Variants in PPP1R13B observed in about 807,000 individuals in gnomAD.
PPP1R13B encodes protein phosphatase 1 regulatory subunit 13B.
Under a neutral mutation model 119.8 loss-of-function variants are expected in PPP1R13B, and 44 were observed. That is an observed-to-expected ratio of 0.37 (90% CI 0.29 to 0.47). The LOEUF is 0.47. PPP1R13B is among the 20% of genes least tolerant of loss of function. The probability of loss-of-function intolerance (pLI) is 0.99; values close to 1 mark genes in which losing one functional copy is unlikely to be tolerated. For synonymous variants in PPP1R13B, 542 were observed against 561.5 expected (o/e 0.97, Z 0.49); for missense variants, 1,227 against 1,413.5 (o/e 0.87, Z 2.12).
At chr14:103,751,956 T>C (rs1378946977) in intron 7 of PPP1R13B, among the ~76,000 whole-genome samples, 1 of 152,216 alleles carries the variant, frequency 6.6e-6, no homozygotes, top group Non-Finnish European at 1.5e-5. Flanking sequence ...CTTTACTGGA[T>C]TATTATCTGC....
intron 12 of PPP1R13B, 118 bp from the exon 13 acceptor site, chr14:103,739,141 G>A: frequency 7.1e-7 from 1 of 1,404,200 alleles, no homozygotes; most frequent in Non-Finnish European, 9.6e-7. Context: ...CCGCGAAGCA[G>A]CCCTGGAGTG....
At position 103,742,655 on chromosome 14, in the gene PPP1R13B, G is replaced by A. The variant is rs761593237; in HGVS notation, c.1319C>T (p.Pro440Leu). Residue 440 changes from proline (P) to leucine (L), a missense_variant and splice_region_variant, in exon 10 of 17, where the codon CCG becomes CTG. Coordinates refer to ENST00000202556, the MANE Select transcript of PPP1R13B (RefSeq NM_015316.3). The surrounding 1 kb of genome is among the most constrained non-coding windows in gnomAD (Gnocchi z 4.9). ...TCTGTGGTAAAGACACAGGCCTACC[G>A]GCTTCTCCGTGGGTCCCAGTGCTGA... ...PFSALGPTEK[P>L]GIEIGKVPPP... 2.2e-5 allele frequency: 35 copies of A among 1,613,480 alleles called. No individual in the cohort carries two copies. The highest frequency in any genetic ancestry group is 1.6e-4 in the Middle Eastern group (1 of 6,078).
At chr14:103,777,239 G>A (rs772421746) in intron 4 of PPP1R13B, among the ~76,000 whole-genome samples, 5 of 151,904 alleles carry the variant, frequency 3.3e-5, no homozygotes, top group African/African-American at 4.8e-5. Flanking sequence ...GTGATCCACC[G>A]ACCTTGGCCT....
Position 103,734,983 on chromosome 14 carries a change from T to C in PPP1R13B, c.*171A>G. The C allele has an allele frequency of 1.3e-6, 1 of 787,486 alleles. No individual in the cohort carries two copies. The allele number at this position is 787,486 out of a possible 1,614,324, so 48.8% of individuals were successfully genotyped here. ...TACCTCTCCCAGTTAATGGGCAAAC[T>C]GGAGAAAGGGCCTCACCTGGAAACT... On this transcript the variant is annotated 3_prime_UTR_variant, in exon 17 of 17. Coordinates refer to ENST00000202556, the MANE Select transcript of PPP1R13B (RefSeq NM_015316.3).
At chr14:103,807,055 A>G (rs905559159) in intron 1 of PPP1R13B, among the ~76,000 whole-genome samples, 1 of 152,204 alleles carries the variant, frequency 6.6e-6, no homozygotes, top group Non-Finnish European at 1.5e-5. Context: ...ACACACATGC[A>G]TACCTCTCTG....
rs531960277 is a variant in PPP1R13B at position 103,757,930 on chromosome 14, A to G, written c.355-179T>C. Among the ~76,000 whole-genome samples the G allele has an allele frequency of 2.4e-3, 364 of 152,346 alleles. 1 individual carries two copies. The highest frequency in any genetic ancestry group is 6.8e-3 in the Middle Eastern group (2 of 294). ...TGTTGACTGCTTTTATGAAATATAA[A>G]TAACTGTTTTTCTAATGCATAAACA... On this transcript the variant is annotated intron_variant, in intron 4 of 16. Transcript: ENST00000202556.
At chr14:103,744,728 A>G (rs1055461675) in intron 9 of PPP1R13B, among the ~76,000 whole-genome samples, 5 of 152,236 alleles carry the variant, frequency 3.3e-5, no homozygotes, top group Non-Finnish European at 4.4e-5. Context: ...TGTGTGACAC[A>G]GAACCAGGAC....
chr14:103,764,346 A>G (rs2084886873), intron 4 of PPP1R13B: 1 of 194,846 alleles, frequency 5.1e-6, no homozygotes, highest in Admixed American at 6.2e-5. Context: ...CGTTTCCCCA[A>G]TGACTGGAAA....
Position 103,733,617 on chromosome 14 carries a change from A to C in PPP1R13B, c.*1537T>G, listed in dbSNP as rs45614733. 2.0e-3 allele frequency: 302 copies of C among 153,040 alleles called. 1 individual carries two copies. The highest frequency in any genetic ancestry group is 3.6e-3 in the Non-Finnish European group (248 of 68,240). 9.5% of individuals were successfully genotyped at this position (153,040 alleles called of 1,614,324 possible). Reference sequence around the variant, plus strand: ...TATTTCACTTTATTAAGATGACTGTACAGCAATTTGTATATAAAGCTTATG... The same window carrying C: ...TATTTCACTTTATTAAGATGACTGTCCAGCAATTTGTATATAAAGCTTATG... On this transcript the variant is annotated 3_prime_UTR_variant, in exon 17 of 17. Transcript: ENST00000202556.
chr14:103,768,104 C>A (rs533995365), intron 4 of PPP1R13B, among the ~76,000 whole-genome samples: 2 of 145,396 alleles, frequency 1.4e-5, no homozygotes, highest in Non-Finnish European at 3.0e-5. Flanking sequence ...CCGTGGTAGT[C>A]ACCTGAGTGT....
intron 1 of PPP1R13B, among the ~76,000 whole-genome samples, chr14:103,839,346 G>T (rs1044555940): frequency 1.3e-5 from 2 of 151,896 alleles, no homozygotes; most frequent in Non-Finnish European, 2.9e-5. Context: ...GAAATCTCTC[G>T]CCGGGCACAG....
rs1473523077 is a variant in PPP1R13B at position 103,844,673 on chromosome 14, G to C, written c.9+2626C>G. ...GAACCTGGGAGGTGGAGGTTGCGGT[G>C]AGTCAAGATCATGTTGCACTCCAGC... On this transcript the variant is annotated intron_variant, in intron 1 of 16. Transcript: ENST00000202556. Among the ~76,000 whole-genome samples the C allele has an allele frequency of 2.0e-5, 3 of 151,782 alleles. No homozygotes were observed. In the South Asian group the frequency reaches 6.2e-4, roughly 32 times the overall value.
chr14:103,761,628 T>C (rs541290110), intron 4 of PPP1R13B, among the ~76,000 whole-genome samples: 633 of 152,110 alleles, frequency 4.2e-3, no homozygotes, highest in Non-Finnish European at 6.8e-3. Flanking sequence ...CCGGGCATGG[T>C]GGCAGGTGCC....
intron 1 of PPP1R13B, among the ~76,000 whole-genome samples, chr14:103,804,599 A>G (rs2085974440): frequency 6.6e-6 from 1 of 152,068 alleles, no homozygotes; most frequent in African/African-American, 2.4e-5. Flanking sequence ...GCTGGGCATC[A>G]TGGTATGTGT....
intron 1 of PPP1R13B, among the ~76,000 whole-genome samples, chr14:103,804,872 T>A (rs1419554240): frequency 6.6e-6 from 1 of 152,206 alleles, no homozygotes; most frequent in Non-Finnish European, 1.5e-5. Context: ...CTATTTTGCA[T>A]AACAGTCCAG....
chr14:103,782,448 T>C (rs1021808070), intron 3 of PPP1R13B, among the ~76,000 whole-genome samples: 2 of 152,242 alleles, frequency 1.3e-5, no homozygotes, highest in Admixed American at 1.3e-4. Context: ...CCTGTTTATA[T>C]ATCATTTTGT....
At position 103,796,733 on chromosome 14, in the gene PPP1R13B, G is replaced by T. The variant is rs60854354; in HGVS notation, c.157+638C>A. On this transcript the variant is annotated intron_variant, in intron 2 of 16. Coordinates refer to ENST00000202556, the MANE Select transcript of PPP1R13B (RefSeq NM_015316.3). Reference sequence around the variant, plus strand: ...GCACTTTGGGAGGCCATGGTGGGTGGATTGCCTGAGCTCAGGAGTTCAAGA... The same window carrying T: ...GCACTTTGGGAGGCCATGGTGGGTGTATTGCCTGAGCTCAGGAGTTCAAGA... Among the ~76,000 whole-genome samples the T allele has an allele frequency of 5.0e-3, 761 of 152,268 alleles. 4 individuals carry two copies. Among genetic ancestry groups the T allele is most frequent in the African/African-American group, 0.018 (730 of 41,554 alleles).
intron 7 of PPP1R13B, 64 bp from the exon 8 acceptor site, chr14:103,749,998 G>A (rs1386275387): frequency 6.4e-7 from 1 of 1,555,868 alleles, no homozygotes; most frequent in African/African-American, 1.4e-5. Flanking sequence ...CTCATTGCCA[G>A]GGAGATTAAA....
chr14:103,770,258 A>C (rs1287421639), intron 4 of PPP1R13B, among the ~76,000 whole-genome samples: 3 of 152,168 alleles, frequency 2.0e-5, no homozygotes, highest in Non-Finnish European at 2.9e-5. Flanking sequence ...TCATGCCTGT[A>C]ATACCAGAAC....
Sources: allele counts gnomAD v4.1 joint callset (sites outside exome capture counted in the v4.1 genomes callset), GRCh38; gene constraint gnomAD v4.1.1; non-coding constraint Gnocchi (gnomAD v3.1); transcripts MANE v1.5; gene names NCBI Gene and HGNC (gene_info 2026-07-23, HGNC 2026-07-21).